ZNF728: variants seen among roughly 807,000 people sequenced by gnomAD.
The protein encoded by ZNF728 is zinc finger protein 728.
In ZNF728, 12 loss-of-function variants were observed where a neutral mutation model predicts 12.5. The observed-to-expected ratio is 0.96, with a 90% CI of 0.61 to 1.55. The LOEUF is 1.55. ZNF728 is among the 40% of genes most tolerant of loss of function. The pLI, the probability that ZNF728 is intolerant of heterozygous loss-of-function variation, is 0.00. For synonymous variants in ZNF728, 205 were observed against 240.7 expected, an observed-to-expected ratio of 0.85 and a Z score of 1.37; for missense variants, 692 against 719.2, an observed-to-expected ratio of 0.96 and a Z score of 0.43.
At chr19:22,983,192 G>T (rs1005291056) in intron 3 of ZNF728, among the ~76,000 whole-genome samples, 2 of 151,662 alleles carry the variant, frequency 1.3e-5, no homozygotes, top group Non-Finnish European at 2.9e-5. Context: ...TCAAAAAGTG[G>T]GCAAAGGATA....
chr19:22,982,193 A>T (rs2145336665), intron 3 of ZNF728, among the ~76,000 whole-genome samples: 1 of 152,344 alleles, frequency 6.6e-6, no homozygotes, highest in East Asian at 1.9e-4. Flanking sequence ...CACAAAATCA[A>T]TGTGCAAAAA....
rs753303603 is a variant in ZNF728 at position 22,976,502 on chromosome 19, C to G, written c.835G>C (p.Ala279Pro). ...SSLIEHKRSH[A>P]GEKPYKCEEC... Reference sequence around the variant, plus strand: ...TCACATTTGTAGGGTTTCTCTCCAGCATGACTTCTCTTATGTTCAATAAGG... The same window carrying G: ...TCACATTTGTAGGGTTTCTCTCCAGGATGACTTCTCTTATGTTCAATAAGG... Residue 279 changes from alanine to proline, a missense_variant, in exon 4 of 4, where the codon GCT (alanine) becomes CCT (proline). By Grantham distance (27) the Ala-to-Pro change is conservative. This residue lies in a region of ZNF728 where 440 missense variants were observed against 459.6 expected (regional missense o/e 0.96). Coordinates refer to ENST00000594710, the MANE Select transcript of ZNF728 (RefSeq NM_001267716.2). 1.2e-6 allele frequency: 2 copies of G among 1,610,658 alleles called. No homozygotes were observed. Among genetic ancestry groups the G allele is most frequent in the East Asian group, 2.2e-5 (1 of 44,670 alleles).
chr19:22,980,384 GTTCTTAGGGATCTACAAAGAGA>G (rs1599527252), intron 3 of ZNF728, among the ~76,000 whole-genome samples: 2 of 152,098 alleles, frequency 1.3e-5, no homozygotes, highest in Admixed American at 6.6e-5. Context: ...CATAAAGCAA[GTTCTTAGGGATCTACAAAGAGA>G]CTTAGATTCC....
chr19:22,988,198 C>CT, intron 2 of ZNF728, 127 bp downstream of exon 2: 1 of 1,539,578 alleles, frequency 6.5e-7, no homozygotes. Context: ...CTGGTGCCGT[C>CT]TTCCAAATAT....
Position 22,975,374 on chromosome 19 carries a change from G to A in ZNF728, c.*94C>T. ...GGATTGAGGAACAGTTAAAAAATTT[G>A]CCACATTCTTCACATTTGTAGGGTT... On this transcript the variant is annotated 3_prime_UTR_variant, in exon 4 of 4. Coordinates refer to ENST00000594710, the MANE Select transcript of ZNF728 (RefSeq NM_001267716.2). 1 of 1,181,724 alleles carries A rather than the reference G, an allele frequency of 8.5e-7. No homozygotes were observed. The highest frequency in any genetic ancestry group is 1.2e-6 in the Non-Finnish European group (1 of 838,076). 73.2% of individuals were successfully genotyped at this position (1,181,724 alleles called of 1,614,324 possible). A position where few individuals can be genotyped will look rare whatever the true frequency, so the allele number is the denominator to read the frequency against.
rs374176389 is a variant in ZNF728, at chr19:22,982,514, A to C, written c.226+4794T>G. Among the ~76,000 whole-genome samples the C allele has an allele frequency of 4.1e-4, 62 of 152,124 alleles. No homozygotes were observed. In the Middle Eastern group the frequency reaches 0.014, roughly 33 times the overall value. On this transcript the variant is annotated intron_variant, in intron 3 of 3. Transcript: ENST00000594710. ...TTCTTTACAGATTTTGAAAAAACTA[A>C]ATTTAATATGGAACCAAAAAAAAGC...
chr19:22,980,525 G>A (rs183276574), intron 3 of ZNF728, among the ~76,000 whole-genome samples: 1 of 152,238 alleles, frequency 6.6e-6, no homozygotes, highest in Non-Finnish European at 1.5e-5. Context: ...TCTGGACCAA[G>A]CAGACCTAAC....
intron 3 of ZNF728, among the ~76,000 whole-genome samples, 200 bp downstream of exon 3, chr19:22,987,108 G>A (rs1263513668): frequency 6.6e-6 from 1 of 152,112 alleles, no homozygotes; most frequent in African/African-American, 2.4e-5. Flanking sequence ...TTACTGAAGG[G>A]AAAAAATAAT....
chr19:22,988,641 G>A (rs1051302583), intron 1 of ZNF728, among the ~76,000 whole-genome samples, 190 bp from the exon 2 acceptor site: 1 of 152,182 alleles, frequency 6.6e-6, no homozygotes, highest in African/African-American at 2.4e-5. Context: ...AGAAAAGAAA[G>A]TGGTATAAGA....
intron 3 of ZNF728, among the ~76,000 whole-genome samples, chr19:22,979,364 G>A (rs1191533022): frequency 6.6e-6 from 1 of 152,210 alleles, no homozygotes; most frequent in African/African-American, 2.4e-5. Context: ...ATGGGACTAT[G>A]TGAAAAGACC....
chr19:22,984,613 CACAT>C (rs201526371), intron 3 of ZNF728, among the ~76,000 whole-genome samples: 18 of 140,672 alleles, frequency 1.3e-4, no homozygotes, highest in African/African-American at 3.6e-4. Flanking sequence ...CACACACACA[CACAT>C]ATACACACAC....
chr19:22,996,144 A>G (rs919777753), intron 1 of ZNF728, among the ~76,000 whole-genome samples: 1 of 152,214 alleles, frequency 6.6e-6, no homozygotes, highest in Non-Finnish European at 1.5e-5. Context: ...TGTACTAGTC[A>G]TAAGGTATGT....
rs182337332 is a variant in ZNF728, at chr19:22,977,001, C to G, written c.336G>C (p.Gln112His). Reference sequence around the variant, plus strand: ...CCACATTGGTACAACCAATTTTTAACTGTAAATTCTCATGTCCACATTTTT... The same window carrying G: ...CCACATTGGTACAACCAATTTTTAAGTGTAAATTCTCATGTCCACATTTTT... ...RYEKCGHENLQLKIGCTNVDE... is the reference protein window; with the variant it reads ...RYEKCGHENLHLKIGCTNVDE... The change falls in exon 4 of 4, where the codon CAG becomes CAC. Residue 112 changes from glutamine (Q) to histidine (H), a missense_variant. Transcript: ENST00000594710. The G allele has an allele frequency of 1.9e-6, 3 of 1,613,462 alleles. No homozygotes were observed. Among genetic ancestry groups the G allele is most frequent in the East Asian group, 2.2e-5 (1 of 44,816 alleles).
chr19:23,001,052 ACT>A (rs1309468057), intron 1 of ZNF728, among the ~76,000 whole-genome samples: 7 of 141,470 alleles, frequency 4.9e-5, no homozygotes, highest in Non-Finnish European at 9.0e-5. Context: ...CTCTCAGGAG[ACT>A]CTGAACTATG....
At chr19:22,989,642 C>A (rs1007878683) in intron 1 of ZNF728, among the ~76,000 whole-genome samples, 2 of 152,052 alleles carry the variant, frequency 1.3e-5, no homozygotes. Flanking sequence ...ATATTACCCC[C>A]CAAAAGGTAA....
intron 1 of ZNF728, among the ~76,000 whole-genome samples, chr19:23,000,965 T>C (rs1167302442): frequency 6.6e-6 from 1 of 150,882 alleles, no homozygotes; most frequent in Non-Finnish European, 1.5e-5. Context: ...GTCTGACTCA[T>C]GTGTCAAGTC....
intron 3 of ZNF728, among the ~76,000 whole-genome samples, chr19:22,984,286 G>A (rs1233131658): frequency 6.6e-6 from 1 of 151,772 alleles, no homozygotes; most frequent in Non-Finnish European, 1.5e-5. Flanking sequence ...TGCCAGGCAT[G>A]GGTGGCTCAC....
rs760063392 is a variant in ZNF728 at position 22,977,040 on chromosome 19, T to TATCA, written c.293_296dup (p.Leu100AspfsTer6). 3 of 1,613,034 alleles carry TATCA rather than the reference T, an allele frequency of 1.9e-6. No homozygotes were observed. The Admixed American group carries it at 5.0e-5, about 27-fold the overall frequency. ...GTCCACATTTTTCATATCTTCTCAA[T>TATCA]ATCACTTTTTGGAAAGAATCTTCTC... On this transcript the variant is annotated frameshift_variant, in exon 4 of 4. Transcript: ENST00000594710. LOFTEE classifies it low-confidence loss of function (END_TRUNC).
At chr19:22,981,105 GA>G (rs1229613566) in intron 3 of ZNF728, among the ~76,000 whole-genome samples, 6 of 150,976 alleles carry the variant, frequency 4.0e-5, no homozygotes. Flanking sequence ...CTGATTTTTT[GA>G]AAAGATCAAC....
Sources: gnomAD v4.1 joint callset for allele counts (sites outside exome capture counted in the v4.1 genomes callset) on GRCh38, gnomAD v4.1.1 for gene constraint, gnomAD v4.1.1 regional missense constraint, MANE v1.5 for transcripts, NCBI Gene and HGNC (gene_info 2026-07-23, HGNC 2026-07-21) for gene names.